The following SYN1 variants were observed in gnomAD, a reference collection of about 807,000 sequenced individuals.
SYN1 encodes synapsin-1.
In SYN1, 8 loss-of-function variants were observed where a neutral mutation model predicts 44.6. The ratio of observed to expected loss-of-function variants is 0.18; its 90% CI spans 0.11 to 0.32. SYN1 has a LOEUF of 0.32. SYN1 is among the 10% of genes least tolerant of loss of function. The pLI is 1.00. For synonymous variants in SYN1, 275 were observed against 280.1 expected (o/e 0.98, Z 0.18); for missense variants, 451 against 639.4 (o/e 0.71, Z 3.18).
intron 5 of SYN1, among the ~76,000 whole-genome samples, chrX:47,602,969 G>A (rs2057884427): frequency 9.1e-6 from 1 of 110,242 alleles, no homozygotes; most frequent in Admixed American, 9.7e-5. Flanking sequence ...TCATAACTGT[G>A]GTACTCATAA....
At chrX:47,601,969 A>G (rs2057881053) in intron 5 of SYN1, among the ~76,000 whole-genome samples, 1 of 112,561 alleles carries the variant, frequency 8.9e-6, no homozygotes, top group Non-Finnish European at 1.9e-5. Context: ...AATCATGTCA[A>G]TAAACACAGA....
At chrX:47,576,901 GGT>G (rs919739017) in intron 6 of SYN1, among the ~76,000 whole-genome samples, 1 of 111,579 alleles carries the variant, frequency 9.0e-6, no homozygotes, top group Non-Finnish European at 1.9e-5. Flanking sequence ...TGAGTTGTAG[GGT>G]GTGTGAACTA....
chrX:47,617,488 T>C (rs957305745), intron 1 of SYN1, among the ~76,000 whole-genome samples: 5 of 111,624 alleles, frequency 4.5e-5, no homozygotes, highest in Non-Finnish European at 7.5e-5. Context: ...AAGTGTTACT[T>C]AAATAGACTA....
chrX:47,603,732 C>G (rs2057886641), intron 5 of SYN1, among the ~76,000 whole-genome samples: 1 of 109,859 alleles, frequency 9.1e-6, no homozygotes, highest in Non-Finnish European at 1.9e-5. Context: ...TTTGTAATAG[C>G]AATAATCATT....
At chrX:47,609,005 GACACACAC>G (rs757667668) in intron 1 of SYN1, among the ~76,000 whole-genome samples, 47 of 87,409 alleles carry the variant, frequency 5.4e-4, no homozygotes, top group African/African-American at 1.9e-3. Flanking sequence ...CTCTCTCTCT[GACACACAC>G]ACACACACAC....
intron 5 of SYN1, among the ~76,000 whole-genome samples, chrX:47,598,857 A>C (rs1343763980): frequency 9.1e-6 from 1 of 109,463 alleles, no homozygotes; most frequent in African/African-American, 3.3e-5. Context: ...TAAATAAAAA[A>C]TAAAAAACTA....
rs149986790 is a variant in SYN1, at chrX:47,586,642, G to A, written c.775-9141C>T. 4,063 of 1,210,225 alleles carry A rather than the reference G, an allele frequency of 3.4e-3. 16 individuals carry two copies. The highest frequency in any genetic ancestry group is 4.1e-3 in the Non-Finnish European group (3,698 of 895,370). On this transcript the variant is annotated intron_variant, in intron 5 of 12. Coordinates refer to ENST00000295987, the MANE Select transcript of SYN1 (RefSeq NM_006950.3). ...TCCCGTCACCTTGCCTGCCTGCCTC[G>A]GGAGCCAGGGCTGTGCACCTGGCAG...
chrX:47,582,699 C>T, intron 5 of SYN1: 1 of 237,716 alleles, frequency 4.2e-6, no homozygotes. Context: ...GCCCCCAATT[C>T]CCCCAAACCC....
At chrX:47,590,484 C>T (rs758239016) in intron 5 of SYN1, among the ~76,000 whole-genome samples, 4 of 112,237 alleles carry the variant, frequency 3.6e-5, no homozygotes, top group African/African-American at 9.7e-5. Flanking sequence ...GTCCCCAGTC[C>T]GTAGTGTTCT....
At chrX:47,577,623 C>G (rs747564137) in intron 5 of SYN1, 122 bp from the exon 6 acceptor site, 6 of 622,064 alleles carry the variant, frequency 9.6e-6, no homozygotes, top group Non-Finnish European at 1.6e-5. Context: ...CCAGGACACA[C>G]AGGTCAGAGA....
chrX:47,573,206 C>T (rs2057765611), intron 12 of SYN1, among the ~76,000 whole-genome samples: 1 of 111,682 alleles, frequency 9.0e-6, no homozygotes, highest in African/African-American at 3.3e-5. Flanking sequence ...GGGTGGAGTC[C>T]TGGGCCAGGG....
intron 5 of SYN1, 51 bp downstream of exon 5, chrX:47,604,927 G>C: frequency 9.7e-7 from 1 of 1,030,610 alleles, no homozygotes; most frequent in Non-Finnish European, 1.4e-6. Flanking sequence ...TAATATTATT[G>C]CAGTAGTTAT....
At chrX:47,611,146 G>A in intron 1 of SYN1, among the ~76,000 whole-genome samples, 1 of 111,943 alleles carries the variant, frequency 8.9e-6, no homozygotes, top group Middle Eastern at 4.6e-3. Context: ...GATAAGAGCT[G>A]TTTCAGTAGG....
chrX:47,598,884 G>C (rs992294663), intron 5 of SYN1, among the ~76,000 whole-genome samples: 2 of 110,417 alleles, frequency 1.8e-5, no homozygotes, highest in Non-Finnish European at 3.8e-5. Flanking sequence ...AGCTGAGCAT[G>C]ATAGCACATG....
chrX:47,599,028 A>T (rs1327166236), intron 5 of SYN1, among the ~76,000 whole-genome samples: 2 of 110,265 alleles, frequency 1.8e-5, no homozygotes, highest in African/African-American at 6.6e-5. Context: ...ATCAAAAAAA[A>T]ATAAAAATTT....
chrX:47,606,039 C>G (rs754187681), intron 3 of SYN1, among the ~76,000 whole-genome samples: 1 of 109,929 alleles, frequency 9.1e-6, no homozygotes, highest in African/African-American at 3.3e-5. Context: ...ATTACAGGCA[C>G]CTGCCACCAC....
chrX:47,583,342 G>A (rs1603056518), intron 5 of SYN1: 8 of 1,100,130 alleles, frequency 7.3e-6, no homozygotes, highest in Non-Finnish European at 9.7e-6. Flanking sequence ...AAGATGGGGT[G>A]GATGACCTGC....
intron 1 of SYN1, among the ~76,000 whole-genome samples, chrX:47,609,485 C>T (rs953221539): frequency 2.7e-5 from 3 of 112,351 alleles, no homozygotes; most frequent in Non-Finnish European, 5.6e-5. Flanking sequence ...CTGCTCAACC[C>T]AACCCTCCTC....
intron 1 of SYN1, among the ~76,000 whole-genome samples, chrX:47,613,128 C>A (rs1346352026): frequency 1.4e-5 from 1 of 70,420 alleles, no homozygotes; most frequent in Non-Finnish European, 2.5e-5. Context: ...GAGACTCCGT[C>A]TCCAAAAAAA....
Sources: allele counts gnomAD v4.1 joint callset (sites outside exome capture counted in the v4.1 genomes callset), GRCh38; gene constraint gnomAD v4.1.1; transcripts MANE v1.5; gene names NCBI Gene and HGNC (gene_info 2026-07-23, HGNC 2026-07-21).